Variants in NUDT13 observed in about 807,000 individuals in gnomAD.
NUDT13 encodes the protein nudix hydrolase 13.
In NUDT13, 40 loss-of-function variants were observed where a neutral mutation model predicts 41.7. The ratio of observed to expected loss-of-function variants is 0.96; its 90% CI spans 0.75 to 1.25. The LOEUF is 1.25. NUDT13 is among the 50% of genes most tolerant of loss of function. The probability of loss-of-function intolerance (pLI) is 0.00; values close to 1 mark genes in which losing one functional copy is unlikely to be tolerated. For synonymous variants in NUDT13, 145 were observed against 155.5 expected (o/e 0.93, Z 0.50); for missense variants, 390 against 416.1 (o/e 0.94, Z 0.55).
chr10:73,129,898 T>G, intron 8 of NUDT13, among the ~76,000 whole-genome samples: 1 of 151,580 alleles, frequency 6.6e-6, no homozygotes, highest in Non-Finnish European at 1.5e-5. Context: ...GAGAATCATT[T>G]GAACCTGGGA....
rs566190253 is a variant in NUDT13 at position 73,118,538 on chromosome 10, T to C, written c.84-1480T>C. Among the ~76,000 whole-genome samples the C allele has an allele frequency of 2.4e-4, 37 of 152,290 alleles. 1 individual carries two copies. The highest frequency in any genetic ancestry group is 8.4e-4 in the African/African-American group (35 of 41,544). Reference sequence around the variant, plus strand: ...GGAGTCTGCATTCTGTCCCTGCTGATCACAAGGATTTGAAGGGAGAGACTC... The same window carrying C: ...GGAGTCTGCATTCTGTCCCTGCTGACCACAAGGATTTGAAGGGAGAGACTC... On this transcript the variant is annotated intron_variant, in intron 2 of 8. Transcript: ENST00000357321.
chr10:73,116,064 G>A (rs1400677443), intron 2 of NUDT13, among the ~76,000 whole-genome samples: 1 of 151,870 alleles, frequency 6.6e-6, no homozygotes, highest in Non-Finnish European at 1.5e-5. Flanking sequence ...CTGGAGTGCA[G>A]TGCTATGATC....
chr10:73,127,109 G>A (rs1044888490), intron 8 of NUDT13, among the ~76,000 whole-genome samples: 7 of 152,082 alleles, frequency 4.6e-5, no homozygotes, highest in Non-Finnish European at 1.0e-4. Context: ...GGCCGGGTGC[G>A]ATGGCTCATG....
chr10:73,114,353 TA>T lies in NUDT13; in HGVS notation c.-9-2del, dbSNP rs1842446524. ...TTTTAAAACTCCTTTTTTTTTTTTT[TA>T]AGGACCTGACAATGTCCCTGTATTG... is the stretch of plus-strand genomic sequence containing the variant. On this transcript the variant is annotated splice_polypyrimidine_tract_variant and splice_region_variant and intron_variant, in intron 1 of 8. Coordinates refer to ENST00000357321, the MANE Select transcript of NUDT13 (RefSeq NM_015901.6). 2.1e-6 allele frequency: 3 copies of T among 1,412,770 alleles called. No homozygotes were observed. The highest frequency in any genetic ancestry group is 2.9e-6 in the Non-Finnish European group (3 of 1,040,124). 87.5% of individuals were successfully genotyped at this position (1,412,770 alleles called of 1,614,324 possible).
At position 73,120,025 on chromosome 10, in the gene NUDT13, T is replaced by C. The variant is rs1313640723; in HGVS notation, c.91T>C (p.Phe31Leu). ...ATTATTTCCCAAATACAGGTATTTATTTGAACTGAAGGAAGATGATGATGC... is the reference window on the plus strand; with the variant it reads ...ATTATTTCCCAAATACAGGTATTTACTTGAACTGAAGGAAGATGATGATGC... ...STYVTKTRYL[F>L]ELKEDDDACK... Residue 31 changes from phenylalanine (F) to leucine (L), a missense_variant, in exon 3 of 9, where the codon TTT becomes CTT. Physicochemically the swap from Phe to Leu is conservative, Grantham distance 22 (BLOSUM62 0). Coordinates refer to ENST00000357321, the MANE Select transcript of NUDT13 (RefSeq NM_015901.6). 6.2e-7 allele frequency: 1 copy of C among 1,614,190 alleles called. No homozygotes were observed. Among genetic ancestry groups the C allele is most frequent in the Non-Finnish European group, 8.5e-7 (1 of 1,180,020 alleles).
chr10:73,119,939 C>T (rs369542649), intron 2 of NUDT13, 79 bp from the exon 3 acceptor site: 36 of 1,377,528 alleles, frequency 2.6e-5, no homozygotes, highest in African/African-American at 1.1e-4. Flanking sequence ...AGGGATGCAG[C>T]GACAGCATTC....
rs143180708 is a variant in NUDT13 at position 73,125,133 on chromosome 10, C to T, written c.481C>T (p.Arg161Cys). The part of the protein sequence containing the change: ...SLLSTAQALL[R>C]WHDAHQFCSR... ...GTGTTCCTAGGCTCAAGCTCTTCTC[C>T]GCTGGCATGATGCTCATCAGTTCTG... The change falls in exon 6 of 9, where the codon CGC becomes TGC. Residue 161 changes from arginine (R) to cysteine (C), a missense_variant. Arg to Cys is a radical substitution (Grantham distance 180, BLOSUM62 -3). Transcript: ENST00000357321. 70 of 1,610,456 alleles carry T rather than the reference C, an allele frequency of 4.3e-5. No homozygotes were observed. Among genetic ancestry groups the T allele is most frequent in the African/African-American group, 3.2e-4 (24 of 74,632 alleles).
At position 73,114,339 on chromosome 10, in the gene NUDT13, CTTT is replaced by C. The variant is rs5786099; in HGVS notation, c.-9-6_-9-4del. 888 of 1,078,112 alleles carry C rather than the reference CTTT, an allele frequency of 8.2e-4. No individual in the cohort carries two copies. The highest frequency in any genetic ancestry group is 2.1e-3 in the South Asian group (118 of 56,798). 66.8% of individuals were successfully genotyped at this position (1,078,112 alleles called of 1,614,324 possible). ...CATATTATGACTTTTTTTAAAACTC[CTTT>C]TTTTTTTTTTTAAGGACCTGACAAT... On this transcript the variant is annotated splice_polypyrimidine_tract_variant and intron_variant, in intron 1 of 8. Coordinates refer to ENST00000357321, the MANE Select transcript of NUDT13 (RefSeq NM_015901.6).
Position 73,122,162 on chromosome 10 carries a change from T to C in NUDT13, c.224-13T>C. 1.9e-6 allele frequency: 3 copies of C among 1,610,340 alleles called. No homozygotes were observed. The highest frequency in any genetic ancestry group is 1.7e-5 in the Admixed American group (1 of 58,902). On this transcript the variant is annotated splice_polypyrimidine_tract_variant and intron_variant, in intron 3 of 8. Coordinates refer to ENST00000357321, the MANE Select transcript of NUDT13 (RefSeq NM_015901.6). ...GTGTTTTGCTTTTCTCCCTTCCCCT[T>C]TCTGTTTCTTAGAGTTGGAAAGGCT...
At position 73,114,339 on chromosome 10, in the gene NUDT13, CT is replaced by C. The variant is rs5786099; in HGVS notation, c.-9-4del. On this transcript the variant is annotated splice_polypyrimidine_tract_variant and intron_variant, in intron 1 of 8. Transcript: ENST00000357321. ...CATATTATGACTTTTTTTAAAACTCCTTTTTTTTTTTTTTAAGGACCTGACA... is the reference window on the plus strand; with the variant it reads ...CATATTATGACTTTTTTTAAAACTCCTTTTTTTTTTTTTAAGGACCTGACA... The C allele has an allele frequency of 0.24, 247,925 of 1,030,436 alleles. 3,509 individuals are homozygous for C. The highest frequency in any genetic ancestry group is 0.35 in the African/African-American group (20,784 of 59,342). The allele number at this position is 1,030,436 out of a possible 1,614,324, so 63.8% of individuals were successfully genotyped here. A position where few individuals can be genotyped will look rare whatever the true frequency, so the allele number is the denominator to read the frequency against.
At chr10:73,126,943 TG>T (rs1313579895) in intron 8 of NUDT13, 116 bp downstream of exon 8, 3 of 916,162 alleles carry the variant, frequency 3.3e-6, no homozygotes, top group Non-Finnish European at 5.1e-6. Flanking sequence ...TACATAAACA[TG>T]TGTAAAATAT....
At chr10:73,120,919 CAG>C in intron 3 of NUDT13, among the ~76,000 whole-genome samples, 1 of 141,206 alleles carries the variant, frequency 7.1e-6, no homozygotes, top group South Asian at 2.2e-4. Context: ...GTGTGGGTGA[CAG>C]AGCGAGACTC....
In NUDT13 at chr10:73,126,680, T is replaced by G. The variant is rs750181942; in HGVS notation, c.711T>G (p.Ser237Arg). 1.9e-6 allele frequency: 3 copies of G among 1,613,962 alleles called. No homozygotes were observed. The highest frequency in any genetic ancestry group is 3.3e-5 in the Admixed American group (2 of 59,994). ...ALAGFCDIGE[S>R]VEETIRREVA... is the part of the protein sequence containing the mutation. The stretch of plus-strand genomic sequence containing the variant: ...TAATCTGAGTGCTTGTAGGTGAAAG[T>G]GTGGAAGAGACCATCCGCCGAGAAG... The change falls in exon 8 of 9, where the codon AGT (serine) becomes AGG (arginine). Residue 237 changes from serine to arginine, a missense_variant. Ser to Arg is a moderately radical substitution (Grantham distance 110). Coordinates refer to ENST00000357321, the MANE Select transcript of NUDT13 (RefSeq NM_015901.6).
At chr10:73,119,683 G>A (rs994734184) in intron 2 of NUDT13, among the ~76,000 whole-genome samples, 1 of 151,978 alleles carries the variant, frequency 6.6e-6, no homozygotes, top group African/African-American at 2.4e-5. Flanking sequence ...TTATTGAATC[G>A]AGCCATTCAA....
intron 8 of NUDT13, among the ~76,000 whole-genome samples, chr10:73,129,582 A>C (rs1156906748): frequency 1.3e-5 from 2 of 151,916 alleles, no homozygotes; most frequent in East Asian, 1.9e-4. Context: ...TAGAATATCT[A>C]ATCTATTTCA....
intron 3 of NUDT13, 89 bp downstream of exon 3, chr10:73,120,246 A>C: frequency 7.3e-7 from 1 of 1,376,614 alleles, no homozygotes; most frequent in Non-Finnish European, 9.9e-7. Context: ...AGATCCTTGA[A>C]CTTTGGAGTC....
rs1457014669 is a variant in NUDT13 at position 73,128,810 on chromosome 10, C to A, written c.859-1893C>A. The stretch of plus-strand genomic sequence containing the variant: ...GGTATCATATCTAAGAGACCACTGC[C>A]CAGTCTAATGTCTAGAAATTTATTC... On this transcript the variant is annotated intron_variant, in intron 8 of 8. Coordinates refer to ENST00000357321, the MANE Select transcript of NUDT13 (RefSeq NM_015901.6). Among the ~76,000 whole-genome samples, 6 of 152,098 alleles carry A rather than the reference C, an allele frequency of 3.9e-5. No individual in the cohort carries two copies. The East Asian group carries it at 1.2e-3, about 29-fold the overall frequency.
At position 73,124,244 on chromosome 10, in the gene NUDT13, A is replaced by T; in HGVS notation, c.389A>T (p.Glu130Val). ...ASLHKPEMET[E>V]LKGSFIELRK... The stretch of plus-strand genomic sequence containing the variant: ...TTACACAAACCTGAAATGGAGACAG[A>T]GCTCAAGGGGTCTTTCATTGAGCTG... Residue 130 changes from glutamate (E) to valine (V), a missense_variant, in exon 5 of 9, where the codon GAG becomes GTG. Coordinates refer to ENST00000357321, the MANE Select transcript of NUDT13 (RefSeq NM_015901.6). The T allele has an allele frequency of 6.2e-7, 1 of 1,613,100 alleles. No individual in the cohort carries two copies. Among genetic ancestry groups the T allele is most frequent in the Non-Finnish European group, 8.5e-7 (1 of 1,179,684 alleles).
intron 6 of NUDT13, 32 bp from the exon 7 acceptor site, chr10:73,125,366 C>G: frequency 6.2e-7 from 1 of 1,610,418 alleles, no homozygotes; most frequent in Non-Finnish European, 8.5e-7. Context: ...GCCCAAAGTG[C>G]CAGCATCTCA....
Sources: allele counts gnomAD v4.1 joint callset (sites outside exome capture counted in the v4.1 genomes callset), GRCh38; gene constraint gnomAD v4.1.1; transcripts MANE v1.5; gene names NCBI Gene and HGNC (gene_info 2026-07-23, HGNC 2026-07-21).